The following ADAMTSL3 variants were observed in gnomAD, a reference collection of about 807,000 sequenced individuals.
ADAMTSL3 encodes the protein ADAMTS-like protein 3.
ADAMTSL3 carries 128 observed loss-of-function variants against 201.7 expected under a neutral mutation model. The ratio of observed to expected loss-of-function variants is 0.63; its 90% CI spans 0.55 to 0.73. ADAMTSL3 has a LOEUF of 0.73. Ranked by LOEUF, ADAMTSL3 falls within the 30% of genes least tolerant of loss-of-function variation. The pLI, the probability that ADAMTSL3 is intolerant of heterozygous loss-of-function variation, is 0.00. For synonymous variants in ADAMTSL3, 738 were observed against 748.4 expected (o/e 0.99, Z 0.23); for missense variants, 1,990 against 2,119.6 (o/e 0.94, Z 1.20).
At chr15:83,858,915 AC>A in intron 8 of ADAMTSL3, 75 bp downstream of exon 8, 1 of 1,294,972 alleles carries the variant, frequency 7.7e-7, no homozygotes, top group South Asian at 1.3e-5. Flanking sequence ...AAAACAAAAA[AC>A]CCACAAACCA....
chr15:84,035,893 G>T (rs932838452), intron 28 of ADAMTSL3, among the ~76,000 whole-genome samples: 9 of 152,150 alleles, frequency 5.9e-5, no homozygotes, highest in Admixed American at 2.0e-4. Flanking sequence ...ATGAAAACTG[G>T]TTTTTTTCTA....
intron 23 of ADAMTSL3, among the ~76,000 whole-genome samples, chr15:83,996,739 C>G (rs2067693374): frequency 7.2e-6 from 1 of 139,316 alleles, no homozygotes; most frequent in Non-Finnish European, 1.5e-5. Context: ...AGAGATTGCA[C>G]CACTGCACTC....
At chr15:83,830,401 G>C (rs1228742817) in intron 6 of ADAMTSL3, among the ~76,000 whole-genome samples, 1 of 152,194 alleles carries the variant, frequency 6.6e-6, no homozygotes, top group African/African-American at 2.4e-5. Context: ...GGACTGAACA[G>C]AATAGCTTTC....
chr15:83,683,404 C>G (rs909534170), intron 2 of ADAMTSL3, among the ~76,000 whole-genome samples: 1 of 152,180 alleles, frequency 6.6e-6, no homozygotes, highest in Non-Finnish European at 1.5e-5. Context: ...AAAGTCTTTC[C>G]CAATCCTCCC....
intron 19 of ADAMTSL3, among the ~76,000 whole-genome samples, chr15:83,948,967 T>C (rs998786045): frequency 6.6e-6 from 1 of 152,168 alleles, no homozygotes; most frequent in African/African-American, 2.4e-5. Flanking sequence ...AAATGGAGAA[T>C]GGGGTATCCA....
intron 3 of ADAMTSL3, among the ~76,000 whole-genome samples, chr15:83,767,009 G>A (rs1004187025): frequency 6.6e-6 from 1 of 152,188 alleles, no homozygotes; most frequent in Non-Finnish European, 1.5e-5. Context: ...TGGGAGAATC[G>A]CTTGAACCGG....
intron 17 of ADAMTSL3, among the ~76,000 whole-genome samples, chr15:83,927,894 C>T (rs2066278949): frequency 6.6e-6 from 1 of 152,058 alleles, no homozygotes; most frequent in South Asian, 2.1e-4. Context: ...CCAGTACTCT[C>T]TTTCTAGAAA....
chr15:83,751,762 C>G (rs560339691), intron 3 of ADAMTSL3, among the ~76,000 whole-genome samples: 1 of 152,168 alleles, frequency 6.6e-6, no homozygotes, highest in Non-Finnish European at 1.5e-5. Context: ...TCTTGATTCA[C>G]TACTTGCTCC....
At chr15:84,010,911 C>G (rs763900137) in intron 23 of ADAMTSL3, among the ~76,000 whole-genome samples, 1 of 152,204 alleles carries the variant, frequency 6.6e-6, no homozygotes, top group Non-Finnish European at 1.5e-5. Context: ...CCCTTTCTCT[C>G]CAGTCTACAT....
intron 7 of ADAMTSL3, among the ~76,000 whole-genome samples, chr15:83,857,020 A>C (rs1332934855): frequency 6.6e-6 from 1 of 152,008 alleles, no homozygotes; most frequent in Non-Finnish European, 1.5e-5. Context: ...TTCTCATCCT[A>C]ATAGGTGTGA....
intron 3 of ADAMTSL3, among the ~76,000 whole-genome samples, chr15:83,754,084 C>A (rs1361453336): frequency 6.6e-6 from 1 of 152,154 alleles, no homozygotes; most frequent in African/African-American, 2.4e-5. Context: ...TCAGATAATT[C>A]TTTGTGGTGG....
At chr15:83,923,855 A>G in intron 16 of ADAMTSL3, 49 bp from the exon 17 acceptor site, 1 of 1,605,668 alleles carries the variant, frequency 6.2e-7, no homozygotes, top group Non-Finnish European at 8.5e-7. Flanking sequence ...TTTTTTCCAC[A>G]ATAAATTATT....
At chr15:84,014,275 A>G (rs1272504916) in intron 23 of ADAMTSL3, among the ~76,000 whole-genome samples, 1 of 152,014 alleles carries the variant, frequency 6.6e-6, no homozygotes, top group Non-Finnish European at 1.5e-5. Context: ...CCTTCCCAAT[A>G]CAGAGCAATC....
At chr15:83,823,875 A>G (rs2063936394) in intron 6 of ADAMTSL3, among the ~76,000 whole-genome samples, 1 of 146,108 alleles carries the variant, frequency 6.8e-6, no homozygotes, top group Non-Finnish European at 1.5e-5. Flanking sequence ...AACAGACTCC[A>G]TTTCCTTCTT....
chr15:83,850,145 C>T (rs112658658), intron 7 of ADAMTSL3, among the ~76,000 whole-genome samples: 18 of 152,146 alleles, frequency 1.2e-4, no homozygotes, highest in African/African-American at 3.9e-4. Flanking sequence ...GAAGAGACCT[C>T]GCCCTGCAGC....
Position 83,706,610 on chromosome 15 carries a change from A to C in ADAMTSL3, c.189+2102A>C, listed in dbSNP as rs143744872. Among the ~76,000 whole-genome samples, 1,305 of 152,190 alleles carry C rather than the reference A, an allele frequency of 8.6e-3. 19 individuals carry two copies. The highest frequency in any genetic ancestry group is 0.03 in the African/African-American group (1,228 of 41,522). Reference sequence around the variant, plus strand: ...TTAATCAGCTAGAGACTGTTAACCCACCAACCAAATCCTGATTCTCTTTCC... The same window carrying C: ...TTAATCAGCTAGAGACTGTTAACCCCCCAACCAAATCCTGATTCTCTTTCC... On this transcript the variant is annotated intron_variant, in intron 3 of 29. Transcript: ENST00000286744.
At chr15:83,971,667 A>G (rs1338587326) in intron 20 of ADAMTSL3, among the ~76,000 whole-genome samples, 1 of 150,938 alleles carries the variant, frequency 6.6e-6, no homozygotes, top group Non-Finnish European at 1.5e-5. Context: ...CAGGCAGCAG[A>G]GTGGTGGTGA....
At chr15:83,925,315 T>C (rs6603006) in intron 17 of ADAMTSL3, among the ~76,000 whole-genome samples, 52,579 of 152,046 alleles carry the variant, frequency 0.35, 9,902 homozygotes, top group African/African-American at 0.47. Context: ...TTTGTATCCA[T>C]TACCATATTT....
Position 83,983,023 on chromosome 15 carries a change from A to G in ADAMTSL3, c.3395A>G (p.Gln1132Arg). ...YQLVAELAKA[Q>R]PTHMQWRGIQ... ...CTGGTGGCCGAATTAGCCAAGGCAC[A>G]GCCAACACACATGCAGTGGCGGGGC... Residue 1132 changes from glutamine (Q) to arginine (R), a missense_variant, in exon 21 of 30, where the codon CAG becomes CGG. By Grantham distance (43) the Gln-to-Arg change is conservative (BLOSUM62 1). Coordinates refer to ENST00000286744, the MANE Select transcript of ADAMTSL3 (RefSeq NM_207517.3). 6.2e-7 allele frequency: 1 copy of G among 1,614,210 alleles called. No homozygotes were observed. Among genetic ancestry groups the G allele is most frequent in the Non-Finnish European group, 8.5e-7 (1 of 1,180,038 alleles).
Sources: gnomAD v4.1 joint callset for allele counts (sites outside exome capture counted in the v4.1 genomes callset) on GRCh38, gnomAD v4.1.1 for gene constraint, MANE v1.5 for transcripts, NCBI Gene and HGNC (gene_info 2026-07-23, HGNC 2026-07-21) for gene names.